CNTN5: variants seen among roughly 807,000 people sequenced by gnomAD.
CNTN5 encodes the protein contactin 5, also known as contactin-5.
In CNTN5, 77 loss-of-function variants were observed where a neutral mutation model predicts 129.1. That is an observed-to-expected ratio of 0.60 (90% CI 0.50 to 0.72). CNTN5 has a LOEUF of 0.72. Among genes scored for constraint, CNTN5 ranks in the 30% least tolerant of loss-of-function variants. The pLI, the probability that CNTN5 is intolerant of heterozygous loss-of-function variation, is 0.00. For synonymous variants in CNTN5, 509 were observed against 465.6 expected, an observed-to-expected ratio of 1.09 and a Z score of -1.20; for missense variants, 1,478 against 1,328.8, an observed-to-expected ratio of 1.11 and a Z score of -1.75.
At position 100,056,088 on chromosome 11, in the gene CNTN5, C is replaced by T. The variant is rs186650252; in HGVS notation, c.981-5124C>T. 7.9e-5 allele frequency among the ~76,000 whole-genome samples: 12 copies of T among 151,642 alleles called. No individual in the cohort carries two copies. The East Asian group carries it at 9.6e-4, about 12-fold the overall frequency. On this transcript the variant is annotated intron_variant, in intron 9 of 24. Coordinates refer to ENST00000524871, the MANE Select transcript of CNTN5 (RefSeq NM_014361.4). ...TGTATAACCCAGCCATTGAGCTTTA[C>T]GTTTATGTGATTATATTTTTGTCTT...
chr11:100,039,369 T>C (rs1942239788), intron 9 of CNTN5, among the ~76,000 whole-genome samples: 1 of 152,216 alleles, frequency 6.6e-6, no homozygotes, highest in Admixed American at 6.5e-5. Flanking sequence ...CCTTTGAGGG[T>C]AACCCGACCT....
intron 1 of CNTN5, among the ~76,000 whole-genome samples, chr11:99,173,661 G>T (rs1000937466): frequency 6.6e-6 from 1 of 152,154 alleles, no homozygotes; most frequent in African/African-American, 2.4e-5. Flanking sequence ...ACATAGAAAA[G>T]GTGAGAAGAA....
intron 18 of CNTN5, among the ~76,000 whole-genome samples, chr11:100,280,606 G>A (rs1950615901): frequency 6.6e-6 from 1 of 151,884 alleles, no homozygotes; most frequent in Non-Finnish European, 1.5e-5. Flanking sequence ...TAGGAAACAG[G>A]TTATTGCGTA....
In CNTN5 at chr11:99,356,916, G is replaced by A. The variant is rs554526136; in HGVS notation, c.-71+31432G>A. On this transcript the variant is annotated intron_variant, in intron 2 of 24. Coordinates refer to ENST00000524871, the MANE Select transcript of CNTN5 (RefSeq NM_014361.4). ...TTACCTTAACAATTGGAAGAATAAA[G>A]ATCTTTACTTAAATCAGTGAAAAAC... is the stretch of plus-strand genomic sequence containing the variant. Among the ~76,000 whole-genome samples the A allele has an allele frequency of 6.0e-5, 9 of 149,266 alleles. No individual in the cohort carries two copies. The East Asian group carries it at 1.2e-3, about 20-fold the overall frequency.
chr11:100,146,946 A>G (rs577598613), intron 13 of CNTN5, among the ~76,000 whole-genome samples: 8 of 152,130 alleles, frequency 5.3e-5, no homozygotes, highest in Non-Finnish European at 1.2e-4. Context: ...CCTATAATCT[A>G]AGCCCTCCTC....
intron 1 of CNTN5, among the ~76,000 whole-genome samples, chr11:99,249,398 T>A (rs1192690745): frequency 2.6e-5 from 4 of 152,070 alleles, no homozygotes. Context: ...CTAAAAACTG[T>A]TGTGGCAAGG....
chr11:99,650,669 T>C (rs1952120996), intron 3 of CNTN5, among the ~76,000 whole-genome samples: 2 of 151,984 alleles, frequency 1.3e-5, no homozygotes. Context: ...AGCTGAATTT[T>C]GGAAGTACAC....
intron 1 of CNTN5, among the ~76,000 whole-genome samples, chr11:99,159,033 G>A (rs1860467177): frequency 1.3e-5 from 2 of 152,146 alleles, no homozygotes; most frequent in African/African-American, 4.8e-5. Flanking sequence ...ATTACTGCCT[G>A]TCCACTTACT....
chr11:99,738,137 G>T (rs1235768453), intron 3 of CNTN5, among the ~76,000 whole-genome samples: 1 of 152,126 alleles, frequency 6.6e-6, no homozygotes, highest in African/African-American at 2.4e-5. Flanking sequence ...CAAATCATAT[G>T]TTGACATCTT....
chr11:99,052,754 G>A (rs1285111018), intron 1 of CNTN5, among the ~76,000 whole-genome samples: 1 of 151,838 alleles, frequency 6.6e-6, no homozygotes, highest in African/African-American at 2.4e-5. Flanking sequence ...AGAGTGGAAA[G>A]TATTGATACA....
rs184240603 is a variant in CNTN5, at chr11:99,818,345, T to A, written c.56-1199T>A. Among the ~76,000 whole-genome samples the A allele has an allele frequency of 2.6e-4, 40 of 152,030 alleles. No individual in the cohort carries two copies. The East Asian group carries it at 7.4e-3, about 28-fold the overall frequency. On this transcript the variant is annotated intron_variant, in intron 3 of 24. Transcript: ENST00000524871. ...ATCGCAGCTCACTACAGCCTAAACC[T>A]CCCAGGCTCAAGCAATCCTCCCAGC...
chr11:99,115,086 C>T (rs1350743813), intron 1 of CNTN5, among the ~76,000 whole-genome samples: 1 of 152,122 alleles, frequency 6.6e-6, no homozygotes. Context: ...ACAGAATCTG[C>T]TGACACCTTT....
At chr11:99,551,700 C>T (rs1330006219) in intron 2 of CNTN5, among the ~76,000 whole-genome samples, 1 of 152,108 alleles carries the variant, frequency 6.6e-6, no homozygotes, top group Non-Finnish European at 1.5e-5. Context: ...TCTATTGCTT[C>T]TAGGCTACAG....
chr11:99,550,485 C>T (rs1948446350), intron 2 of CNTN5, among the ~76,000 whole-genome samples: 1 of 152,048 alleles, frequency 6.6e-6, no homozygotes, highest in Non-Finnish European at 1.5e-5. Context: ...CTTATTCAGC[C>T]TTTCAAGGGA....
intron 2 of CNTN5, among the ~76,000 whole-genome samples, chr11:99,460,707 G>A (rs558777586): frequency 6.6e-6 from 1 of 152,064 alleles, no homozygotes; most frequent in South Asian, 2.1e-4. Flanking sequence ...GTGATTTTCA[G>A]ATACTGAAAA....
chr11:99,606,788 A>G, intron 3 of CNTN5, among the ~76,000 whole-genome samples: 1 of 141,868 alleles, frequency 7.0e-6, no homozygotes, highest in Admixed American at 7.0e-5. Context: ...CTCAGAAATA[A>G]TGCCGCATAT....
intron 2 of CNTN5, among the ~76,000 whole-genome samples, chr11:99,534,960 A>T (rs11220340): frequency 2.6e-5 from 4 of 151,914 alleles, no homozygotes; most frequent in Non-Finnish European, 5.9e-5. Context: ...AACTGAAAGA[A>T]GGCTAGTGGA....
chr11:99,889,291 GGTGTGTGTGTGTGTGTGTGTGTGTGT>G (rs71050029), intron 6 of CNTN5, among the ~76,000 whole-genome samples: 6,305 of 33,028 alleles, frequency 0.19, 459 homozygotes, highest in East Asian at 0.51. Context: ...CTCCAGAGCA[GGTGTGTGTGTGTGTGTGTGTGTGTGT>G]GTGTGTGTGT....
intron 3 of CNTN5, among the ~76,000 whole-genome samples, chr11:99,715,357 C>T (rs1320820040): frequency 6.6e-6 from 1 of 151,750 alleles, no homozygotes; most frequent in Non-Finnish European, 1.5e-5. Flanking sequence ...GGCCATCCTT[C>T]CCACCTCTTC....
Sources: gnomAD v4.1 joint callset for allele counts (sites outside exome capture counted in the v4.1 genomes callset) on GRCh38, gnomAD v4.1.1 for gene constraint, MANE v1.5 for transcripts, NCBI Gene and HGNC (gene_info 2026-07-23, HGNC 2026-07-21) for gene names.